EPHX4: variants seen among roughly 807,000 people sequenced by gnomAD.
The protein encoded by EPHX4 is epoxide hydrolase 4.
A neutral mutation model predicts 44.9 loss-of-function variants in EPHX4; 31 were observed. The observed-to-expected ratio is 0.69, with a 90% CI of 0.52 to 0.93. The LOEUF is 0.93. Ranked by LOEUF, EPHX4 falls within the 40% of genes least tolerant of loss-of-function variation. EPHX4 has a pLI of 0.00. For missense variants in EPHX4, 373 were observed against 438.1 expected (o/e 0.85, Z 1.33); for synonymous variants, 151 against 159.7 (o/e 0.95, Z 0.41).
At chr1:92,050,168 T>C in intron 4 of EPHX4, 149 bp from the exon 5 acceptor site, 1 of 585,374 alleles carries the variant, frequency 1.7e-6, no homozygotes, top group Non-Finnish European at 3.0e-6. Flanking sequence ...ACTCAAGATA[T>C]AAGAGCATAG....
chr1:92,057,574 T>C (rs1647397055), intron 6 of EPHX4, among the ~76,000 whole-genome samples: 1 of 151,596 alleles, frequency 6.6e-6, no homozygotes, highest in South Asian at 2.1e-4. Context: ...CACCCATACA[T>C]AGAAGCCTAG....
chr1:92,052,703 A>G, intron 6 of EPHX4, 45 bp downstream of exon 6: 2 of 1,487,042 alleles, frequency 1.3e-6, no homozygotes, highest in Non-Finnish European at 1.8e-6. Flanking sequence ...TTTCAGTCTG[A>G]TCCTACAGGG....
At chr1:92,054,312 A>G (rs1367070521) in intron 6 of EPHX4, among the ~76,000 whole-genome samples, 1 of 152,154 alleles carries the variant, frequency 6.6e-6, no homozygotes, top group Non-Finnish European at 1.5e-5. Flanking sequence ...ATTTAAAAAT[A>G]TCAACCTGGG....
At chr1:92,035,408 T>C (rs1688423382) in intron 2 of EPHX4, among the ~76,000 whole-genome samples, 2 of 152,202 alleles carry the variant, frequency 1.3e-5, no homozygotes, top group South Asian at 4.1e-4. Context: ...TCTACAATGA[T>C]GTTGCAAAGT....
Position 92,052,665 on chromosome 1 carries a change from A to G in EPHX4, c.857+7A>G, listed in dbSNP as rs1234518879. The G allele has an allele frequency of 6.3e-7, 1 of 1,580,082 alleles. No homozygotes were observed. The highest frequency in any genetic ancestry group is 2.3e-5 in the East Asian group (1 of 44,204). ...ATTACCGAAATATCTTCAGGTAAGT[A>G]TAATTTCTTTTTAGTTAAATAAAAA... is the stretch of plus-strand genomic sequence containing the variant. On this transcript the variant is annotated splice_region_variant and intron_variant, in intron 6 of 6. Transcript: ENST00000370383.
intron 2 of EPHX4, among the ~76,000 whole-genome samples, chr1:92,036,545 TG>T (rs1387231185): frequency 6.6e-6 from 1 of 152,218 alleles, no homozygotes; most frequent in East Asian, 1.9e-4. Context: ...GTTTAGTTTT[TG>T]GGAAGCTCCT....
intron 2 of EPHX4, among the ~76,000 whole-genome samples, chr1:92,037,781 T>C (rs17131593): frequency 0.19 from 29,570 of 152,098 alleles, 3,256 homozygotes; most frequent in East Asian, 0.37. Context: ...TTTTCCTGAG[T>C]GTCCTCTGCT....
In EPHX4 at chr1:92,034,902, T is replaced by TC. The variant is rs1431067520; in HGVS notation, c.317+2313dup. On this transcript the variant is annotated intron_variant, in intron 2 of 6. Coordinates refer to ENST00000370383, the MANE Select transcript of EPHX4 (RefSeq NM_173567.5). The stretch of plus-strand genomic sequence containing the variant: ...CAAGTGATCTGCCCCCTTCAGCCTC[T>TC]CAAAATGTTGGGATTACAGGTGTGA... Among the ~76,000 whole-genome samples the TC allele has an allele frequency of 4.6e-5, 7 of 152,242 alleles. No individual in the cohort carries two copies. In the East Asian group the frequency reaches 1.2e-3, roughly 25 times the overall value.
Position 92,042,998 on chromosome 1 carries a change from A to C in EPHX4, c.475+18A>C, listed in dbSNP as rs1258653285. The stretch of plus-strand genomic sequence containing the variant: ...TTCTTTAGGTAGGTTAGTTTGAAAC[A>C]AAACAACTCTTTTTAAGGGACAAAC... On this transcript the variant is annotated intron_variant, in intron 3 of 6. Transcript: ENST00000370383. 2 of 1,559,882 alleles carry C rather than the reference A, an allele frequency of 1.3e-6. No individual in the cohort carries two copies. Among genetic ancestry groups the C allele is most frequent in the Non-Finnish European group, 1.7e-6 (2 of 1,144,592 alleles).
chr1:92,056,153 C>T (rs925092610), intron 6 of EPHX4, among the ~76,000 whole-genome samples: 2 of 152,004 alleles, frequency 1.3e-5, no homozygotes, highest in African/African-American at 4.8e-5. Flanking sequence ...CTCTGACCCC[C>T]CTCTGAGTAA....
chr1:92,040,517 G>C (rs1688495424), intron 2 of EPHX4, among the ~76,000 whole-genome samples: 1 of 151,986 alleles, frequency 6.6e-6, no homozygotes, highest in Non-Finnish European at 1.5e-5. Flanking sequence ...TAGAAACGGG[G>C]TTTCTCCATA....
chr1:92,031,195 T>C (rs529890558), intron 1 of EPHX4, among the ~76,000 whole-genome samples: 141 of 152,334 alleles, frequency 9.3e-4, no homozygotes, highest in African/African-American at 3.2e-3. Context: ...AATAGGTTAA[T>C]ATTTATAAAA....
chr1:92,035,154 A>C (rs1270806135), intron 2 of EPHX4, among the ~76,000 whole-genome samples: 1 of 152,228 alleles, frequency 6.6e-6, no homozygotes, highest in Non-Finnish European at 1.5e-5. Flanking sequence ...GTGCATAAAT[A>C]AACATAAGTC....
At chr1:92,032,431 A>G (rs1463203018) in intron 1 of EPHX4, 74 bp from the exon 2 acceptor site, 25 of 1,136,246 alleles carry the variant, frequency 2.2e-5, no homozygotes, top group Admixed American at 4.0e-5. Context: ...TTTTTTAATG[A>G]AATGGAAATG....
intron 4 of EPHX4, among the ~76,000 whole-genome samples, chr1:92,048,323 T>C (rs144257303): frequency 6.6e-6 from 1 of 152,326 alleles, no homozygotes; most frequent in Non-Finnish European, 1.5e-5. Flanking sequence ...GCTCGTTCAA[T>C]TGATCAGGAC....
chr1:92,051,220 G>T (rs554993579), intron 5 of EPHX4, among the ~76,000 whole-genome samples: 2 of 151,586 alleles, frequency 1.3e-5, no homozygotes, highest in African/African-American at 4.8e-5. Context: ...AAATAATTAT[G>T]TGTATAACTG....
Position 92,052,606 on chromosome 1 carries a change from T to C in EPHX4, c.805T>C (p.Ser269Pro), listed in dbSNP as rs561843630. 6.2e-7 allele frequency: 1 copy of C among 1,613,188 alleles called. No homozygotes were observed. Among genetic ancestry groups the C allele is most frequent in the East Asian group, 2.2e-5 (1 of 44,816 alleles). The change falls in exon 6 of 7, where the codon TCT (serine) becomes CCT (proline). Residue 269 changes from serine to proline, a missense_variant. Coordinates refer to ENST00000370383, the MANE Select transcript of EPHX4 (RefSeq NM_173567.5). ...EDLEAYIYVF[S>P]QPGALSGPIN... ...TCTTGAAGCTTATATTTATGTCTTT[T>C]CTCAGCCTGGAGCATTAAGTGGCCC...
intron 2 of EPHX4, among the ~76,000 whole-genome samples, chr1:92,040,614 C>T (rs890438758): frequency 2.0e-5 from 3 of 152,024 alleles, no homozygotes; most frequent in Non-Finnish European, 2.9e-5. Context: ...CGTGAGCCAC[C>T]GCACCCGGCC....
chr1:92,036,503 A>G (rs1014415), intron 2 of EPHX4, among the ~76,000 whole-genome samples: 34,449 of 152,094 alleles, frequency 0.23, 4,106 homozygotes, highest in Middle Eastern at 0.27. Context: ...TCTTGGATGT[A>G]TCCAAAAGGG....
Sources: gnomAD v4.1 joint callset for allele counts (sites outside exome capture counted in the v4.1 genomes callset) on GRCh38, gnomAD v4.1.1 for gene constraint, MANE v1.5 for transcripts, NCBI Gene and HGNC (gene_info 2026-07-23, HGNC 2026-07-21) for gene names.